LIMK2: variants seen among roughly 807,000 people sequenced by gnomAD.
The protein encoded by LIMK2 is LIM domain kinase 2.
A neutral mutation model predicts 75.7 loss-of-function variants in LIMK2; 35 were observed. The observed-to-expected ratio is 0.46, with a 90% CI of 0.35 to 0.61. The LOEUF is 0.61. Ranked by LOEUF, LIMK2 falls within the 20% of genes least tolerant of loss-of-function variation. The pLI, the probability that LIMK2 is intolerant of heterozygous loss-of-function variation, is 0.00. For missense variants in LIMK2, 623 were observed against 831.0 expected, an observed-to-expected ratio of 0.75 and a Z score of 3.08; for synonymous variants, 301 against 319.2, an observed-to-expected ratio of 0.94 and a Z score of 0.61.
At chr22:31,263,470 A>G (rs2048860955) in intron 7 of LIMK2, among the ~76,000 whole-genome samples, 1 of 152,180 alleles carries the variant, frequency 6.6e-6, no homozygotes, top group African/African-American at 2.4e-5. Context: ...TTAAATGTGG[A>G]AAAGGACATA....
At chr22:31,275,834 G>A (rs1225969496) in intron 15 of LIMK2, among the ~76,000 whole-genome samples, 2 of 152,112 alleles carry the variant, frequency 1.3e-5, no homozygotes, top group Admixed American at 6.5e-5. Context: ...TATGCATTTA[G>A]CTAATTTCTC....
intron 2 of LIMK2, among the ~76,000 whole-genome samples, chr22:31,249,890 C>T (rs143746432): frequency 1.3e-5 from 2 of 152,224 alleles, no homozygotes; most frequent in East Asian, 1.9e-4. Flanking sequence ...CCCTGCTAGA[C>T]ACTTTATCCT....
At chr22:31,236,666 C>T (rs1483160375) in intron 2 of LIMK2, among the ~76,000 whole-genome samples, 1 of 151,296 alleles carries the variant, frequency 6.6e-6, no homozygotes, top group Non-Finnish European at 1.5e-5. Flanking sequence ...GTAATCCCAG[C>T]ACTTTGGGAG....
chr22:31,229,731 A>G (rs1474880981), intron 2 of LIMK2, among the ~76,000 whole-genome samples: 2 of 150,462 alleles, frequency 1.3e-5, no homozygotes, highest in Admixed American at 1.3e-4. Flanking sequence ...TCCATCCTAA[A>G]CTCCTCCCCT....
intron 15 of LIMK2, among the ~76,000 whole-genome samples, chr22:31,276,311 A>G (rs1023980464): frequency 2.0e-5 from 3 of 152,224 alleles, no homozygotes; most frequent in Non-Finnish European, 4.4e-5. Flanking sequence ...CAAAGTTTAT[A>G]GCACAGGAAA....
intron 1 of LIMK2, 50 bp from the exon 2 acceptor site, chr22:31,225,670 C>G: frequency 7.2e-7 from 1 of 1,393,826 alleles, no homozygotes; most frequent in African/African-American, 1.4e-5. Flanking sequence ...AATCCTGTCC[C>G]TTTGCCTCCT....
intron 2 of LIMK2, among the ~76,000 whole-genome samples, chr22:31,255,866 TAAGAGA>T (rs1240321301): frequency 1.8e-4 from 28 of 151,734 alleles, no homozygotes; most frequent in Admixed American, 1.6e-3. Context: ...AGAAAGCTAC[TAAGAGA>T]AGTTGTCCAG....
At chr22:31,255,775 G>A (rs903222316) in intron 2 of LIMK2, among the ~76,000 whole-genome samples, 3 of 152,058 alleles carry the variant, frequency 2.0e-5, no homozygotes, top group African/African-American at 7.2e-5. Context: ...CTGGCAAAAG[G>A]CTTTCTCTCA....
intron 13 of LIMK2, 27 bp downstream of exon 13, chr22:31,272,731 AC>A (rs1247425986): frequency 6.4e-7 from 1 of 1,555,290 alleles, no homozygotes; most frequent in South Asian, 1.2e-5. Context: ...TGGAGGGGAC[AC>A]CCGCAGAGGG....
chr22:31,265,344 C>A (rs561622916), intron 7 of LIMK2, among the ~76,000 whole-genome samples: 1 of 151,694 alleles, frequency 6.6e-6, no homozygotes. Context: ...TCAGCCTGGG[C>A]GACAGAGCGA....
At chr22:31,249,225 G>A (rs2048701233) in intron 2 of LIMK2, among the ~76,000 whole-genome samples, 1 of 152,258 alleles carries the variant, frequency 6.6e-6, no homozygotes, top group African/African-American at 2.4e-5. Flanking sequence ...GGTGTGGGTA[G>A]CCTGGTACAC....
rs2049056402 is a variant in LIMK2 at position 31,278,653 on chromosome 22, G to A, written c.*212G>A. On this transcript the variant is annotated 3_prime_UTR_variant, in exon 16 of 16. Coordinates refer to ENST00000331728, the MANE Select transcript of LIMK2 (RefSeq NM_005569.4). ...AGGTTCTGGGGCCTAGTTACTGTCTGTAAATCCAATACTTGCCTGAAAGCT... is the reference window on the plus strand; with the variant it reads ...AGGTTCTGGGGCCTAGTTACTGTCTATAAATCCAATACTTGCCTGAAAGCT... The A allele has an allele frequency of 4.6e-6, 2 of 437,074 alleles. No homozygotes were observed. Among genetic ancestry groups the A allele is most frequent in the South Asian group, 5.5e-5 (1 of 18,300 alleles). The allele number at this position is 437,074 out of a possible 1,614,324, so 27.1% of individuals were successfully genotyped here.
intron 2 of LIMK2, among the ~76,000 whole-genome samples, chr22:31,247,852 T>G (rs1413634073): frequency 6.6e-6 from 1 of 152,184 alleles, no homozygotes; most frequent in Non-Finnish European, 1.5e-5. Context: ...AGCCCTGCCC[T>G]GGAGTGGAAG....
chr22:31,225,586 G>C, intron 1 of LIMK2, 134 bp from the exon 2 acceptor site: 1 of 634,000 alleles, frequency 1.6e-6, no homozygotes, highest in South Asian at 1.8e-5. Flanking sequence ...GGCAGAAACT[G>C]TGCATCTAGC....
intron 2 of LIMK2, among the ~76,000 whole-genome samples, chr22:31,254,193 C>T (rs1041439851): frequency 2.0e-5 from 3 of 152,262 alleles, no homozygotes; most frequent in African/African-American, 4.8e-5. Context: ...TCTCCTGGGC[C>T]TGGCCAGAGC....
intron 2 of LIMK2, among the ~76,000 whole-genome samples, chr22:31,246,500 G>C (rs1393323826): frequency 6.6e-6 from 1 of 152,092 alleles, no homozygotes; most frequent in African/African-American, 2.4e-5. Context: ...ACGACAGTCT[G>C]TATGGCCTGC....
intron 2 of LIMK2, among the ~76,000 whole-genome samples, chr22:31,236,406 C>G (rs1011253777): frequency 1.5e-4 from 23 of 149,334 alleles, no homozygotes; most frequent in Non-Finnish European, 2.7e-4. Context: ...TCAGGAGTTT[C>G]AAGATCAGTC....
At chr22:31,232,283 G>C (rs933388270) in intron 2 of LIMK2, among the ~76,000 whole-genome samples, 1 of 151,036 alleles carries the variant, frequency 6.6e-6, no homozygotes, top group African/African-American at 2.4e-5. Context: ...TAGACTTGGA[G>C]ACAGAAAATC....
chr22:31,240,479 A>G (rs957432116), intron 2 of LIMK2, among the ~76,000 whole-genome samples: 2 of 149,066 alleles, frequency 1.3e-5, no homozygotes, highest in Admixed American at 6.8e-5. Context: ...GCTGGAGTGC[A>G]GTGGCACAAT....
Sources: gnomAD v4.1 joint callset for allele counts (sites outside exome capture counted in the v4.1 genomes callset) on GRCh38, gnomAD v4.1.1 for gene constraint, MANE v1.5 for transcripts, NCBI Gene and HGNC (gene_info 2026-07-23, HGNC 2026-07-21) for gene names.